HDAC9: variants seen among roughly 807,000 people sequenced by gnomAD.
The protein encoded by HDAC9 is MEF-2 interacting transcription repressor (MITR) protein.
A neutral mutation model predicts 139.4 loss-of-function variants in HDAC9; 41 were observed. The ratio of observed to expected loss-of-function variants is 0.29; its 90% confidence interval spans 0.23 to 0.38. The LOEUF is 0.38. Among genes scored for constraint, HDAC9 ranks in the 10% least tolerant of loss-of-function variants. The pLI is 1.00. For synonymous variants in HDAC9, 517 were observed against 476.2 expected, an observed-to-expected ratio of 1.09 and a Z score of -1.12; for missense variants, 1,147 against 1,297.0, an observed-to-expected ratio of 0.88 and a Z score of 1.78.
intron 2 of HDAC9, among the ~76,000 whole-genome samples, chr7:18,545,660 C>T (rs1814551830): frequency 6.6e-6 from 1 of 152,068 alleles, no homozygotes; most frequent in African/African-American, 2.4e-5. Context: ...ACAGTGCCTG[C>T]TACAAGTGTG....
intron 6 of HDAC9, among the ~76,000 whole-genome samples, chr7:18,607,404 G>A (rs772024128): frequency 6.6e-6 from 1 of 152,212 alleles, no homozygotes; most frequent in Non-Finnish European, 1.5e-5. Context: ...TGTGTGACCT[G>A]CACATAGTGC....
chr7:18,348,327 T>C (rs549438455), intron 1 of HDAC9, among the ~76,000 whole-genome samples: 2 of 152,350 alleles, frequency 1.3e-5, no homozygotes, highest in African/African-American at 2.4e-5. Flanking sequence ...TGAGCATTTA[T>C]ACTATGGACC....
intron 16 of HDAC9, among the ~76,000 whole-genome samples, chr7:18,770,493 C>G (rs1411819449): frequency 6.6e-6 from 1 of 152,102 alleles, no homozygotes; most frequent in African/African-American, 2.4e-5. Context: ...GTGAAGAAAT[C>G]TTGAAGTCAT....
At chr7:18,181,072 C>T (rs1418416908) in intron 2 of HDAC9, among the ~76,000 whole-genome samples, 3 of 152,156 alleles carry the variant, frequency 2.0e-5, no homozygotes, top group Admixed American at 6.5e-5. Context: ...GATAATCTCC[C>T]CATCTCAGAA....
At chr7:18,422,638 A>G (rs1343839699) in intron 1 of HDAC9, among the ~76,000 whole-genome samples, 1 of 151,938 alleles carries the variant, frequency 6.6e-6, no homozygotes, top group Non-Finnish European at 1.5e-5. Context: ...AAGTCTGGCA[A>G]TAGGTCATGG....
intron 2 of HDAC9, among the ~76,000 whole-genome samples, chr7:18,269,641 G>C (rs1374164911): frequency 1.3e-5 from 2 of 152,138 alleles, no homozygotes; most frequent in African/African-American, 2.4e-5. Flanking sequence ...AGGATTGCTT[G>C]AGCCCTGGAG....
intron 1 of HDAC9, among the ~76,000 whole-genome samples, chr7:18,416,293 T>A (rs764263426): frequency 6.6e-6 from 1 of 151,496 alleles, no homozygotes; most frequent in Non-Finnish European, 1.5e-5. Context: ...CAAAACTCCA[T>A]CTCAAAAAAA....
rs913527880 is a variant in HDAC9 at position 18,961,313 on chromosome 7, T to G, written c.3022+7083T>G. On this transcript the variant is annotated intron_variant, in intron 24 of 25. Transcript: ENST00000686413. ...GATTAGCAGGGCTTATAGTCAAATA[T>G]GAGCTGTTTAATTCAGAAGTAGAAT... is the stretch of plus-strand genomic sequence containing the variant. 3.9e-5 allele frequency among the ~76,000 whole-genome samples: 6 copies of G among 152,172 alleles called. No homozygotes were observed. In the South Asian group the frequency reaches 1.2e-3, roughly 32 times the overall value.
At chr7:18,157,150 A>G (rs1310068409) in intron 1 of HDAC9, among the ~76,000 whole-genome samples, 1 of 152,194 alleles carries the variant, frequency 6.6e-6, no homozygotes, top group African/African-American at 2.4e-5. Flanking sequence ...GCAGACAGAG[A>G]CACAAAAGCA....
chr7:18,829,048 C>T (rs899272446), intron 17 of HDAC9, 113 bp from the exon 18 acceptor site: 155 of 778,636 alleles, frequency 2.0e-4, no homozygotes, highest in Middle Eastern at 2.3e-4. Flanking sequence ...GCGTATGAGA[C>T]TTCAGTTTTG....
intron 12 of HDAC9, among the ~76,000 whole-genome samples, chr7:18,692,072 G>T (rs570945561): frequency 1.2e-3 from 190 of 152,186 alleles, no homozygotes; most frequent in African/African-American, 4.3e-3. Flanking sequence ...ATGAGTCTCA[G>T]AAAAGACAGC....
At chr7:18,677,578 T>C (rs1327636364) in intron 12 of HDAC9, among the ~76,000 whole-genome samples, 3 of 151,964 alleles carry the variant, frequency 2.0e-5, no homozygotes, top group Non-Finnish European at 4.4e-5. Context: ...TTAATTATTG[T>C]TTGACATTCT....
intron 22 of HDAC9, among the ~76,000 whole-genome samples, chr7:18,929,358 A>G (rs1349814035): frequency 2.0e-5 from 3 of 152,174 alleles, no homozygotes; most frequent in African/African-American, 7.2e-5. Context: ...TACTAAATTA[A>G]TGGAACCAAA....
intron 2 of HDAC9, among the ~76,000 whole-genome samples, chr7:18,270,142 T>C (rs1796262155): frequency 6.6e-6 from 1 of 152,164 alleles, no homozygotes; most frequent in Middle Eastern, 3.4e-3. Flanking sequence ...TGGGGCACTG[T>C]GTAGTGGCAG....
At chr7:18,361,858 GATAC>G in intron 1 of HDAC9, among the ~76,000 whole-genome samples, 1 of 151,796 alleles carries the variant, frequency 6.6e-6, no homozygotes, top group Non-Finnish European at 1.5e-5. Flanking sequence ...ACTAATTACT[GATAC>G]ACTCAGGAGA....
chr7:18,729,035 G>A (rs1035713011), intron 13 of HDAC9, among the ~76,000 whole-genome samples: 2 of 152,080 alleles, frequency 1.3e-5, no homozygotes, highest in African/African-American at 4.8e-5. Flanking sequence ...CAGTGTTAGT[G>A]GCAGCCTTTT....
At chr7:18,409,236 C>T (rs949977190) in intron 1 of HDAC9, among the ~76,000 whole-genome samples, 3 of 151,936 alleles carry the variant, frequency 2.0e-5, no homozygotes, top group Admixed American at 6.6e-5. Context: ...GGTACCCTGG[C>T]GATACATGAC....
chr7:18,087,633 A>C (rs1781881685), intron 1 of HDAC9, among the ~76,000 whole-genome samples: 1 of 152,174 alleles, frequency 6.6e-6, no homozygotes, highest in Non-Finnish European at 1.5e-5. Flanking sequence ...CTTCAGTTTT[A>C]AGTCAATACA....
chr7:18,149,164 C>A (rs1222083828), intron 1 of HDAC9, among the ~76,000 whole-genome samples: 1 of 152,052 alleles, frequency 6.6e-6, no homozygotes, highest in Non-Finnish European at 1.5e-5. Flanking sequence ...AGCATCTTTC[C>A]ATATAATTAT....
Sources: gnomAD v4.1 joint callset for allele counts (sites outside exome capture counted in the v4.1 genomes callset) on GRCh38, gnomAD v4.1.1 for gene constraint, MANE v1.5 for transcripts, NCBI Gene and HGNC (gene_info 2026-07-23, HGNC 2026-07-21) for gene names.